ANKRD36B: variants seen among roughly 807,000 people sequenced by gnomAD.
The protein encoded by ANKRD36B is ankyrin repeat domain-containing protein 36B.
A neutral mutation model predicts 135.7 loss-of-function variants in ANKRD36B; 37 were observed. The observed-to-expected ratio is 0.27, with a 90% confidence interval of 0.21 to 0.36. ANKRD36B has a LOEUF of 0.36. Ranked by LOEUF, ANKRD36B falls within the 10% of genes least tolerant of loss-of-function variation. The pLI is 1.00. For synonymous variants in ANKRD36B, 179 were observed against 348.1 expected, an observed-to-expected ratio of 0.51 and a Z score of 5.41; for missense variants, 549 against 1,037.1, an observed-to-expected ratio of 0.53 and a Z score of 6.46.
rs532450560 is a variant in ANKRD36B at position 97,548,749 on chromosome 2, A to G, written c.1477+670T>C. ...GTATCTCTGATGCCTAATAGTAACA[A>G]AGAGGAGTAATGACTCAGTGTGTTT... On this transcript the variant is annotated intron_variant, in intron 20 of 43. Coordinates refer to ENST00000359901, the MANE Select transcript of ANKRD36B (RefSeq NM_001393939.1). 9.2e-5 allele frequency among the ~76,000 whole-genome samples: 14 copies of G among 152,074 alleles called. No individual in the cohort carries two copies. In the East Asian group the frequency reaches 2.7e-3, roughly 30 times the overall value.
intron 35 of ANKRD36B, among the ~76,000 whole-genome samples, chr2:97,526,902 T>A (rs189731475): frequency 1.0e-5 from 1 of 96,376 alleles, no homozygotes; most frequent in Admixed American, 9.2e-5. Flanking sequence ...TATGGGACTA[T>A]GTGAAAAGAC....
intron 30 of ANKRD36B, 83 bp downstream of exon 30, chr2:97,539,951 A>T (rs879142874): frequency 1.6e-6 from 1 of 623,132 alleles, no homozygotes; most frequent in African/African-American, 2.1e-5. Context: ...GCTGCGACGA[A>T]CCCCCCCGCT....
intron 26 of ANKRD36B, among the ~76,000 whole-genome samples, chr2:97,543,430 G>A (rs369086773): frequency 1.8e-5 from 2 of 113,422 alleles, no homozygotes; most frequent in African/African-American, 5.7e-5. Context: ...TTTTATAGCA[G>A]TATGATGTGA....
rs1293227100 is a variant in ANKRD36B, at chr2:97,498,143, C to A, written c.*7-5288G>T. 4.0e-5 allele frequency among the ~76,000 whole-genome samples: 3 copies of A among 74,274 alleles called. 1 individual carries two copies. Among genetic ancestry groups the A allele is most frequent in the African/African-American group, 1.7e-4 (3 of 18,140 alleles). The allele number at this position is 74,274 out of a possible 152,430, so 48.7% of individuals were successfully genotyped here. A position where few individuals can be genotyped will look rare whatever the true frequency, so the allele number is the denominator to read the frequency against. ...TTGAAATGATTCCATCGGGGAAAAA[C>A]AACAACAAAAAAGAATAACAAATGC... On this transcript the variant is annotated intron_variant, in intron 43 of 43. Transcript: ENST00000359901.
Position 97,538,379 on chromosome 2 carries a change from A to C in ANKRD36B, c.1988-16T>G. The C allele has an allele frequency of 2.2e-6, 2 of 904,918 alleles. 1 individual carries two copies. The highest frequency in any genetic ancestry group is 3.5e-5 in the African/African-American group (2 of 57,476). 56.1% of individuals were successfully genotyped at this position (904,918 alleles called of 1,614,324 possible). On this transcript the variant is annotated splice_polypyrimidine_tract_variant and intron_variant, in intron 30 of 43. Coordinates refer to ENST00000359901, the MANE Select transcript of ANKRD36B (RefSeq NM_001393939.1). ...TGAGGAGACACTGAAAAGTAAAAGA[A>C]ATATATAATCCATCATATGTAAATA...
chr2:97,552,089 T>C (rs2080120923), intron 16 of ANKRD36B, among the ~76,000 whole-genome samples: 1 of 151,974 alleles, frequency 6.6e-6, no homozygotes, highest in African/African-American at 2.4e-5. Flanking sequence ...TTTGCCTAAG[T>C]ATCTTGTATC....
chr2:97,532,898 G>A lies in ANKRD36B; in HGVS notation c.2192-514C>T, dbSNP rs182902867. Among the ~76,000 whole-genome samples the A allele has an allele frequency of 1.9e-3, 178 of 95,818 alleles. 46 individuals carry two copies. The highest frequency in any genetic ancestry group is 5.1e-3 in the African/African-American group (164 of 31,924). The allele number at this position is 95,818 out of a possible 152,430, so 62.9% of individuals were successfully genotyped here. ...GTCACCAGGTTCAAGCCATGCAAAC[G>A]TGGTCAAAGATTCACTCACAAATTC... On this transcript the variant is annotated intron_variant, in intron 34 of 43. Transcript: ENST00000359901.
chr2:97,547,919 T>A (rs1185183691), intron 20 of ANKRD36B, among the ~76,000 whole-genome samples, 188 bp from the exon 21 acceptor site: 2 of 151,738 alleles, frequency 1.3e-5, no homozygotes, highest in African/African-American at 4.8e-5. Context: ...ACAGGCTCCA[T>A]GAAAAATACT....
At chr2:97,568,683 T>C (rs1382589038) in intron 6 of ANKRD36B, among the ~76,000 whole-genome samples, 1 of 152,146 alleles carries the variant, frequency 6.6e-6, no homozygotes, top group Non-Finnish European at 1.5e-5. Context: ...GGGAATGGTA[T>C]GGCAAGTTGC....
intron 43 of ANKRD36B, among the ~76,000 whole-genome samples, chr2:97,498,496 ACC>A (rs2077328020): frequency 3.5e-5 from 1 of 28,646 alleles, no homozygotes; most frequent in South Asian, 3.9e-4. Context: ...TCTGCAGAAA[ACC>A]CTACAGTCCA....
chr2:97,577,289 C>T (rs1235901863), intron 5 of ANKRD36B, among the ~76,000 whole-genome samples: 1 of 134,474 alleles, frequency 7.4e-6, no homozygotes, highest in Non-Finnish European at 1.6e-5. Flanking sequence ...GAAGACAAAA[C>T]CCTACTTTCA....
At chr2:97,579,652 T>C (rs531000100) in intron 4 of ANKRD36B, among the ~76,000 whole-genome samples, 29 of 143,368 alleles carry the variant, frequency 2.0e-4, no homozygotes, top group African/African-American at 7.1e-4. Context: ...ATATAGTATA[T>C]TATATATTAT....
chr2:97,539,930 C>T lies in ANKRD36B; in HGVS notation c.1987+104G>A, dbSNP rs575936878. The T allele has an allele frequency of 1.4e-5, 7 of 491,800 alleles. 2 individuals carry two copies. Among genetic ancestry groups the T allele is most frequent in the East Asian group, 9.3e-5 (3 of 32,260 alleles). The allele number at this position is 491,800 out of a possible 1,614,324, so 30.5% of individuals were successfully genotyped here. A position where few individuals can be genotyped will look rare whatever the true frequency, so the allele number is the denominator to read the frequency against. On this transcript the variant is annotated intron_variant, in intron 30 of 43. Coordinates refer to ENST00000359901, the MANE Select transcript of ANKRD36B (RefSeq NM_001393939.1). ...ATGAAGAATCTCAGGTCTGCAGAATCGGAATGTGCAGCTGCGACGAACCCC... is the reference window on the plus strand; with the variant it reads ...ATGAAGAATCTCAGGTCTGCAGAATTGGAATGTGCAGCTGCGACGAACCCC...
At position 97,527,840 on chromosome 2, in the gene ANKRD36B, A is replaced by C. The variant is rs1160702600; in HGVS notation, c.2266-4373T>G. On this transcript the variant is annotated intron_variant, in intron 35 of 43. Coordinates refer to ENST00000359901, the MANE Select transcript of ANKRD36B (RefSeq NM_001393939.1). ...CATAATGGTAAAGGGATCAATTCAA[A>C]AAGAAGAGCTAACTATCCTAAATAT... is the stretch of plus-strand genomic sequence containing the variant. Among the ~76,000 whole-genome samples, 12 of 96,336 alleles carry C rather than the reference A, an allele frequency of 1.2e-4. 3 individuals are homozygous for C. Among genetic ancestry groups the C allele is most frequent in the African/African-American group, 3.1e-4 (10 of 32,108 alleles). 63.2% of individuals were successfully genotyped at this position (96,336 alleles called of 152,430 possible). A position where few individuals can be genotyped will look rare whatever the true frequency, so the allele number is the denominator to read the frequency against.
In ANKRD36B at chr2:97,524,802, A is replaced by G. The variant is rs1250040178; in HGVS notation, c.2266-1335T>C. Reference sequence around the variant, plus strand: ...TGAATTTTAAAGTTTTTTTACCCTAATTTGTCTTGTTTGATCCACATTCTC... The same window carrying G: ...TGAATTTTAAAGTTTTTTTACCCTAGTTTGTCTTGTTTGATCCACATTCTC... On this transcript the variant is annotated intron_variant, in intron 35 of 43. Transcript: ENST00000359901. 6.2e-5 allele frequency: 6 copies of G among 97,148 alleles called. 2 individuals are homozygous for G. Among genetic ancestry groups the G allele is most frequent in the African/African-American group, 1.2e-4 (4 of 32,454 alleles). The allele number at this position is 97,148 out of a possible 1,614,324, so 6.0% of individuals were successfully genotyped here.
chr2:97,564,918 T>A (rs982588437), intron 6 of ANKRD36B, among the ~76,000 whole-genome samples: 2 of 152,184 alleles, frequency 1.3e-5, no homozygotes, highest in Non-Finnish European at 2.9e-5. Context: ...AGAAAGTCAA[T>A]GGTAGCTTGA....
chr2:97,585,482 T>C lies in ANKRD36B; in HGVS notation c.162-84A>G, dbSNP rs896604098. On this transcript the variant is annotated intron_variant, in intron 1 of 43. Transcript: ENST00000359901. ...TTTCTCTGTCTTCAAAACAAATATG[T>C]AATTTTCTTGTGAAGAAAGTACAAC... The C allele has an allele frequency of 1.6e-5, 24 of 1,467,340 alleles. No homozygotes were observed. The African/African-American group carries it at 3.1e-4, about 19-fold the overall frequency. The allele number at this position is 1,467,340 out of a possible 1,614,324, so 90.9% of individuals were successfully genotyped here.
Position 97,556,005 on chromosome 2 carries a change from T to G in ANKRD36B, c.1070-751A>C, listed in dbSNP as rs141592494. Among the ~76,000 whole-genome samples the G allele has an allele frequency of 6.6e-3, 996 of 151,964 alleles. 50 individuals carry two copies. In the East Asian group the frequency reaches 0.11, roughly 16 times the overall value. On this transcript the variant is annotated intron_variant, in intron 12 of 43. Transcript: ENST00000359901. ...TCCTGGCATTAGATATTAATAAGCT[T>G]TTACATTTGGCTATCAGTCCAATAT...
Position 97,579,006 on chromosome 2 carries a change from C to T in ANKRD36B, c.595G>A (p.Asp199Asn). Residue 199 changes from aspartate to asparagine, a missense_variant, in exon 5 of 44, where the codon GAT (aspartate) becomes AAT (asparagine). Transcript: ENST00000359901. ...TGCTGCAGAAGAAGAATGACTATATCTTTTTCTCCAAGAGTAACAGCAAGT... is the reference window on the plus strand; with the variant it reads ...TGCTGCAGAAGAAGAATGACTATATTTTTTTCTCCAAGAGTAACAGCAAGT... ...LILAVTLGEKDIVILLLQHNI... is the reference protein window; with the variant it reads ...LILAVTLGEKNIVILLLQHNI... The T allele has an allele frequency of 6.2e-7, 1 of 1,611,996 alleles. No individual in the cohort carries two copies.
Sources: allele counts gnomAD v4.1 joint callset (sites outside exome capture counted in the v4.1 genomes callset), GRCh38; gene constraint gnomAD v4.1.1; transcripts MANE v1.5; gene names NCBI Gene and HGNC (gene_info 2026-07-23, HGNC 2026-07-21).